Variants in LRFN5 observed in about 807,000 individuals in gnomAD.
LRFN5 encodes leucine-rich repeat and fibronectin type-III domain-containing protein 5.
LRFN5 carries 24 observed loss-of-function variants against 45.6 expected under a neutral mutation model. The ratio of observed to expected loss-of-function variants is 0.53; its 90% CI spans 0.38 to 0.74. The LOEUF is 0.74. LRFN5 is among the 30% of genes least tolerant of loss of function. LRFN5 has a pLI of 0.00. For synonymous variants in LRFN5, 340 were observed against 313.8 expected, an observed-to-expected ratio of 1.08 and a Z score of -0.88; for missense variants, 776 against 861.5, an observed-to-expected ratio of 0.90 and a Z score of 1.24.
At chr14:41,798,786 A>C (rs1215835399) in intron 2 of LRFN5, among the ~76,000 whole-genome samples, 1 of 151,916 alleles carries the variant, frequency 6.6e-6, no homozygotes, top group Admixed American at 6.6e-5. Context: ...GTTTTGTTCT[A>C]AAATTTGGAC....
chr14:41,788,353 G>A (rs1331185900), intron 2 of LRFN5, among the ~76,000 whole-genome samples: 1 of 143,376 alleles, frequency 7.0e-6, no homozygotes, highest in Non-Finnish European at 1.5e-5. Flanking sequence ...TTGTTCCATT[G>A]ATATTTACTT....
At chr14:41,852,633 T>C (rs1049770229) in intron 2 of LRFN5, among the ~76,000 whole-genome samples, 4 of 151,952 alleles carry the variant, frequency 2.6e-5, no homozygotes, top group African/African-American at 9.7e-5. Context: ...TTTATCTTTT[T>C]TTGAAAGCCA....
In LRFN5 at chr14:41,637,288, C is replaced by T. The variant is rs80222408; in HGVS notation, c.-197+28726C>T. ...TTCTCTTTTCTTGTGCTTCCATCAT[C>T]TTGCAGTCAGCCAATTACATGGTTT... On this transcript the variant is annotated intron_variant, in intron 1 of 5. Coordinates refer to ENST00000298119, the MANE Select transcript of LRFN5 (RefSeq NM_152447.5). Among the ~76,000 whole-genome samples the T allele has an allele frequency of 9.2e-3, 1,393 of 152,230 alleles. 6 individuals are homozygous for T. The highest frequency in any genetic ancestry group is 0.014 in the East Asian group (75 of 5,178).
chr14:41,744,982 C>A (rs138815326), intron 1 of LRFN5, among the ~76,000 whole-genome samples: 27 of 152,074 alleles, frequency 1.8e-4, no homozygotes, highest in African/African-American at 6.0e-4. Context: ...CAACTATAAA[C>A]AGAAGATAAG....
At chr14:41,855,664 ACT>A (rs1261952696) in intron 2 of LRFN5, among the ~76,000 whole-genome samples, 1 of 152,158 alleles carries the variant, frequency 6.6e-6, no homozygotes, top group Non-Finnish European at 1.5e-5. Flanking sequence ...TACTAAGGAA[ACT>A]CTTGATGACT....
chr14:41,755,995 T>C (rs970006989), intron 1 of LRFN5, among the ~76,000 whole-genome samples: 1 of 152,218 alleles, frequency 6.6e-6, no homozygotes, highest in Admixed American at 6.5e-5. Context: ...TGCTTGTCTG[T>C]AAAGTATTTT....
chr14:41,672,702 T>TTTA (rs1251995243), intron 1 of LRFN5, among the ~76,000 whole-genome samples: 3 of 152,192 alleles, frequency 2.0e-5, no homozygotes, highest in Non-Finnish European at 2.9e-5. Flanking sequence ...TGAATCTCCC[T>TTTA]TAAATATAGG....
At position 41,679,686 on chromosome 14, in the gene LRFN5, C is replaced by T. The variant is rs544432317; in HGVS notation, c.-197+71124C>T. Among the ~76,000 whole-genome samples the T allele has an allele frequency of 5.9e-5, 9 of 152,052 alleles. No individual in the cohort carries two copies. In the South Asian group the frequency reaches 6.2e-4, roughly 11 times the overall value. The stretch of plus-strand genomic sequence containing the variant: ...CAGGTGTGACCCAGCACATTCCCAG[C>T]GGTGGTAGCTATGGAAAGGGACACT... On this transcript the variant is annotated intron_variant, in intron 1 of 5. Coordinates refer to ENST00000298119, the MANE Select transcript of LRFN5 (RefSeq NM_152447.5).
chr14:41,777,391 C>T (rs1886330069), intron 2 of LRFN5, among the ~76,000 whole-genome samples: 1 of 151,506 alleles, frequency 6.6e-6, no homozygotes, highest in South Asian at 2.1e-4. Context: ...AGTTTCTTTT[C>T]TGTTTCTTCA....
chr14:41,669,638 A>G (rs978541639), intron 1 of LRFN5, among the ~76,000 whole-genome samples: 2 of 152,018 alleles, frequency 1.3e-5, no homozygotes, highest in African/African-American at 2.4e-5. Context: ...CACATGTAGG[A>G]CAATTTTGAA....
intron 1 of LRFN5, among the ~76,000 whole-genome samples, chr14:41,630,768 T>G (rs1047993894): frequency 6.6e-6 from 1 of 152,126 alleles, no homozygotes; most frequent in Non-Finnish European, 1.5e-5. Context: ...ACTTGTAAAG[T>G]CTTTTATATA....
At chr14:41,874,976 C>G (rs1362856620) in intron 2 of LRFN5, among the ~76,000 whole-genome samples, 3 of 152,100 alleles carry the variant, frequency 2.0e-5, no homozygotes, top group Non-Finnish European at 4.4e-5. Context: ...GGGTAACCAC[C>G]CCTATGATTC....
intron 5 of LRFN5, among the ~76,000 whole-genome samples, chr14:41,903,916 TA>T (rs976844284): frequency 6.6e-6 from 1 of 151,980 alleles, no homozygotes; most frequent in African/African-American, 2.4e-5. Context: ...ATACTTAGAT[TA>T]AAAAAATAAG....
chr14:41,727,510 T>C (rs1332473472), intron 1 of LRFN5, among the ~76,000 whole-genome samples: 2 of 152,070 alleles, frequency 1.3e-5, no homozygotes, highest in African/African-American at 4.8e-5. Context: ...TGTGTAGTTC[T>C]AGCTACTCAG....
chr14:41,706,534 CT>C (rs1245982428), intron 1 of LRFN5, among the ~76,000 whole-genome samples: 1 of 152,006 alleles, frequency 6.6e-6, no homozygotes, highest in Non-Finnish European at 1.5e-5. Flanking sequence ...GTCAGTCTGA[CT>C]TTTAAAAAGC....
At chr14:41,746,611 T>G (rs1436960648) in intron 1 of LRFN5, among the ~76,000 whole-genome samples, 3 of 152,022 alleles carry the variant, frequency 2.0e-5, no homozygotes, top group Non-Finnish European at 4.4e-5. Flanking sequence ...GCCAGTTATA[T>G]TTCCTCTTTT....
intron 1 of LRFN5, among the ~76,000 whole-genome samples, chr14:41,721,462 C>CTCTG (rs1883710139): frequency 6.6e-6 from 1 of 152,100 alleles, no homozygotes; most frequent in South Asian, 2.1e-4. Context: ...GCCTTATAGG[C>CTCTG]TCTGTGGACT....
At chr14:41,637,624 GT>G (rs1879367173) in intron 1 of LRFN5, among the ~76,000 whole-genome samples, 1 of 152,056 alleles carries the variant, frequency 6.6e-6, no homozygotes, top group Non-Finnish European at 1.5e-5. Context: ...AACTCATTGG[GT>G]GGATCCGTGT....
intron 1 of LRFN5, among the ~76,000 whole-genome samples, chr14:41,744,716 T>A (rs774412396): frequency 2.0e-5 from 3 of 152,192 alleles, no homozygotes; most frequent in Non-Finnish European, 2.9e-5. Flanking sequence ...TTCATGTAAA[T>A]ATTAACAAGA....
Sources: allele counts gnomAD v4.1 joint callset (sites outside exome capture counted in the v4.1 genomes callset), GRCh38; gene constraint gnomAD v4.1.1; transcripts MANE v1.5; gene names NCBI Gene and HGNC (gene_info 2026-07-23, HGNC 2026-07-21).